The following CFTR variants were observed in gnomAD, a reference collection of about 807,000 sequenced individuals.
CFTR encodes CF transmembrane conductance regulator, also known as cystic fibrosis transmembrane conductance regulator.
Under a neutral mutation model 171.6 loss-of-function variants are expected in CFTR, and 181 were observed. The ratio of observed to expected loss-of-function variants is 1.05; its 90% CI spans 0.93 to 1.19. The LOEUF is 1.19. Ranked by LOEUF, CFTR falls within the 50% of genes most tolerant of loss-of-function variation. CFTR has a pLI of 0.00. For synonymous variants in CFTR, 583 were observed against 608.0 expected (o/e 0.96, Z 0.60); for missense variants, 1,968 against 1,734.7 (o/e 1.13, Z -2.39).
chr7:117,603,721 C>A lies in CFTR; in HGVS notation c.2847C>A (p.His949Gln). The change falls in exon 17 of 27, where the codon CAC becomes CAA. Residue 949 changes from histidine (H) to glutamine (Q), a missense_variant. His to Gln is a conservative substitution (Grantham distance 24). Coordinates refer to ENST00000003084, the MANE Select transcript of CFTR (RefSeq NM_000492.4). ...HTLITVSKILHHKMLHSVLQA... is the reference protein window; with the variant it reads ...HTLITVSKILQHKMLHSVLQA... ...TAATCACAGTGTCGAAAATTTTACA[C>A]CACAAAATGTTACATTCTGTTCTTC... 6.2e-7 allele frequency: 1 copy of A among 1,613,966 alleles called. No individual in the cohort carries two copies.
intron 3 of CFTR, among the ~76,000 whole-genome samples, chr7:117,516,170 C>T (rs1798593545): frequency 6.6e-6 from 1 of 152,110 alleles, no homozygotes; most frequent in Admixed American, 6.6e-5. Context: ...ATGAATATGA[C>T]ATGGTGAAAC....
chr7:117,504,310 A>G lies in CFTR; in HGVS notation c.111A>G (p.Ile37Met). Residue 37 changes from isoleucine (I) to methionine (M), a missense_variant, in exon 2 of 27, where the codon ATA becomes ATG. Transcript: ENST00000003084. ...GACAGCGCCTGGAATTGTCAGACAT[A>G]TACCAAATCCCTTCTGTTGATTCTG... ...GYRQRLELSD[I>M]YQIPSVDSAD... 3 of 1,612,964 alleles carry G rather than the reference A, an allele frequency of 1.9e-6. No homozygotes were observed. Among genetic ancestry groups the G allele is most frequent in the Non-Finnish European group, 2.5e-6 (3 of 1,178,996 alleles).
chr7:117,507,379 A>C (rs1227411675), intron 2 of CFTR, among the ~76,000 whole-genome samples: 2 of 152,182 alleles, frequency 1.3e-5, no homozygotes, highest in African/African-American at 2.4e-5. Context: ...CATGTTCCTA[A>C]AACTACATTG....
intron 23 of CFTR, among the ~76,000 whole-genome samples, chr7:117,652,239 C>A (rs1418143293): frequency 6.6e-6 from 1 of 152,160 alleles, no homozygotes; most frequent in Non-Finnish European, 1.5e-5. Flanking sequence ...TTCAGTTAAA[C>A]AATTATTTGA....
At chr7:117,517,304 G>A (rs1362173873) in intron 3 of CFTR, among the ~76,000 whole-genome samples, 5 of 151,892 alleles carry the variant, frequency 3.3e-5, no homozygotes, top group Non-Finnish European at 7.4e-5. Context: ...GAGAACATGT[G>A]GTGTTTGGTT....
At chr7:117,596,034 C>T (rs960568679) in intron 15 of CFTR, among the ~76,000 whole-genome samples, 11 of 152,238 alleles carry the variant, frequency 7.2e-5, no homozygotes, top group East Asian at 1.9e-4. Flanking sequence ...TTGACCTTGA[C>T]GCCCACTCTG....
chr7:117,591,678 A>G (rs1010310509), intron 13 of CFTR, among the ~76,000 whole-genome samples: 2 of 152,160 alleles, frequency 1.3e-5, no homozygotes, highest in Non-Finnish European at 2.9e-5. Flanking sequence ...TCAAATATCT[A>G]CTTAATATAG....
chr7:117,665,336 G>A, intron 25 of CFTR, 123 bp from the exon 26 acceptor site: 3 of 680,116 alleles, frequency 4.4e-6, no homozygotes, highest in Non-Finnish European at 7.7e-6. Flanking sequence ...TCAACATTAT[G>A]TGAAAAGAAC....
intron 20 of CFTR, 110 bp from the exon 21 acceptor site, chr7:117,614,503 A>G: frequency 1.3e-6 from 1 of 770,486 alleles, no homozygotes; most frequent in Admixed American, 1.8e-5. Context: ...TTAGCATAAA[A>G]TTGAAATGTA....
chr7:117,508,657 G>A (rs1030993349), intron 2 of CFTR, among the ~76,000 whole-genome samples: 3 of 152,166 alleles, frequency 2.0e-5, no homozygotes, highest in Non-Finnish European at 1.5e-5. Flanking sequence ...AAGGTATAAG[G>A]GAAAAATGTA....
At chr7:117,617,988 C>T (rs1304204528) in intron 21 of CFTR, among the ~76,000 whole-genome samples, 1 of 152,106 alleles carries the variant, frequency 6.6e-6, no homozygotes, top group African/African-American at 2.4e-5. Context: ...AGCCAATTTC[C>T]TTGTCTCCCT....
intron 23 of CFTR, among the ~76,000 whole-genome samples, chr7:117,646,200 C>T (rs1792992881): frequency 6.6e-6 from 1 of 152,138 alleles, no homozygotes; most frequent in African/African-American, 2.4e-5. Flanking sequence ...ATAACTAGTA[C>T]TCCTCCCTGG....
At chr7:117,487,585 A>G (rs1357489871) in intron 1 of CFTR, among the ~76,000 whole-genome samples, 3 of 152,122 alleles carry the variant, frequency 2.0e-5, no homozygotes, top group South Asian at 2.1e-4. Flanking sequence ...TGTGTGTGTT[A>G]AAAGAAGGTT....
intron 23 of CFTR, among the ~76,000 whole-genome samples, chr7:117,650,594 C>T (rs944500053): frequency 2.6e-5 from 4 of 152,204 alleles, no homozygotes; most frequent in Non-Finnish European, 4.4e-5. Flanking sequence ...ACCATCCTCC[C>T]GCAGTCCTCC....
chr7:117,571,986 C>T (rs371582836), intron 11 of CFTR, among the ~76,000 whole-genome samples: 1 of 151,560 alleles, frequency 6.6e-6, no homozygotes, highest in Non-Finnish European at 1.5e-5. Context: ...AAGGAAAAAC[C>T]TTTTTTTATT....
chr7:117,630,758 G>A (rs898375809), intron 22 of CFTR, among the ~76,000 whole-genome samples: 6 of 152,236 alleles, frequency 3.9e-5, no homozygotes, highest in Non-Finnish European at 7.4e-5. Flanking sequence ...CTGTGCAAAA[G>A]CATCTGATGT....
At chr7:117,578,091 G>A (rs1341972317) in intron 11 of CFTR, among the ~76,000 whole-genome samples, 1 of 151,886 alleles carries the variant, frequency 6.6e-6, no homozygotes, top group Non-Finnish European at 1.5e-5. Context: ...GTACATATAT[G>A]CATGTATATT....
chr7:117,548,798 T>C lies in CFTR; in HGVS notation c.1367T>C (p.Val456Ala), dbSNP rs193922500. 151 of 1,608,738 alleles carry C rather than the reference T, an allele frequency of 9.4e-5. 1 individual carries two copies. The South Asian group carries it at 1.7e-3, about 18-fold the overall frequency. ...ATAGAAAGAGGACAGTTGTTGGCGG[T>C]TGCTGGATCCACTGGAGCAGGCAAG... ...FKIERGQLLAVAGSTGAGKTS... is the reference protein window; with the variant it reads ...FKIERGQLLAAAGSTGAGKTS... Residue 456 changes from valine to alanine, a missense_variant, in exon 10 of 27, where the codon GTT becomes GCT. Transcript: ENST00000003084.
intron 24 of CFTR, among the ~76,000 whole-genome samples, chr7:117,661,889 C>T (rs1225173975): frequency 6.8e-6 from 1 of 146,286 alleles, no homozygotes; most frequent in Non-Finnish European, 1.5e-5. Flanking sequence ...ATATCATCAG[C>T]AAATGAGCTG....
Sources: allele counts gnomAD v4.1 joint callset (sites outside exome capture counted in the v4.1 genomes callset), GRCh38; gene constraint gnomAD v4.1.1; transcripts MANE v1.5; gene names NCBI Gene and HGNC (gene_info 2026-07-23, HGNC 2026-07-21).